The following NIPAL2 variants were observed in gnomAD, a reference collection of about 807,000 sequenced individuals.
The protein encoded by NIPAL2 is NIPA-like protein 2.
A neutral mutation model predicts 48.9 loss-of-function variants in NIPAL2; 43 were observed. The ratio of observed to expected loss-of-function variants is 0.88; its 90% confidence interval spans 0.69 to 1.13. NIPAL2 has a LOEUF of 1.13. Among genes scored for constraint, NIPAL2 ranks in the 50% most tolerant of loss-of-function variants. NIPAL2 has a pLI of 0.00. For missense variants in NIPAL2, 446 were observed against 461.4 expected (o/e 0.97, Z 0.31); for synonymous variants, 167 against 174.6 (o/e 0.96, Z 0.34).
intron 1 of NIPAL2, among the ~76,000 whole-genome samples, chr8:98,292,803 A>T (rs567877506): frequency 1.3e-5 from 2 of 152,054 alleles, no homozygotes; most frequent in Non-Finnish European, 2.9e-5. Flanking sequence ...CTAATAAAAG[A>T]ATAATATAAT....
chr8:98,276,762 T>C (rs1229424241), intron 1 of NIPAL2, among the ~76,000 whole-genome samples: 3 of 151,874 alleles, frequency 2.0e-5, no homozygotes, highest in African/African-American at 7.3e-5. Context: ...TTTCTTTCTT[T>C]TTTTTTTCTT....
chr8:98,200,257 A>T (rs1810739267), intron 8 of NIPAL2, among the ~76,000 whole-genome samples: 1 of 152,184 alleles, frequency 6.6e-6, no homozygotes, highest in Non-Finnish European at 1.5e-5. Context: ...GAACTTTTTC[A>T]TCTTGCAAAA....
At chr8:98,242,320 T>C (rs1179307687) in intron 3 of NIPAL2, among the ~76,000 whole-genome samples, 5 of 151,794 alleles carry the variant, frequency 3.3e-5, no homozygotes, top group Admixed American at 3.3e-4. Flanking sequence ...GCTGGGACTA[T>C]AGGCAATACC....
intron 8 of NIPAL2, among the ~76,000 whole-genome samples, chr8:98,200,310 G>A (rs952356520): frequency 4.6e-5 from 7 of 151,896 alleles, no homozygotes; most frequent in South Asian, 2.1e-4. Context: ...CCTCCTCCCC[G>A]CAGCCCTCAT....
chr8:98,273,694 A>G (rs1815278616), intron 1 of NIPAL2, among the ~76,000 whole-genome samples: 1 of 152,014 alleles, frequency 6.6e-6, no homozygotes, highest in Non-Finnish European at 1.5e-5. Context: ...TAATAAATAT[A>G]TTTCTTCCTT....
chr8:98,273,923 C>T (rs1375838732), intron 1 of NIPAL2, among the ~76,000 whole-genome samples: 1 of 152,046 alleles, frequency 6.6e-6, no homozygotes, highest in African/African-American at 2.4e-5. Context: ...CTAATTATCT[C>T]ATGATTTTCA....
intron 8 of NIPAL2, among the ~76,000 whole-genome samples, chr8:98,199,521 T>G (rs1165611638): frequency 6.6e-6 from 1 of 152,112 alleles, no homozygotes; most frequent in African/African-American, 2.4e-5. Context: ...GAGAGAGATG[T>G]GGGAACAGCT....
chr8:98,225,064 T>C (rs927399422), intron 4 of NIPAL2, among the ~76,000 whole-genome samples: 1 of 152,220 alleles, frequency 6.6e-6, no homozygotes, highest in African/African-American at 2.4e-5. Context: ...GCTGCAATTA[T>C]ACTTTCTAAG....
At chr8:98,253,244 T>C (rs1813689637) in intron 2 of NIPAL2, among the ~76,000 whole-genome samples, 1 of 152,204 alleles carries the variant, frequency 6.6e-6, no homozygotes, top group African/African-American at 2.4e-5. Context: ...ATATACTGAA[T>C]AGGGTTCAGT....
chr8:98,228,742 G>A (rs1313824701), intron 4 of NIPAL2, among the ~76,000 whole-genome samples: 1 of 152,110 alleles, frequency 6.6e-6, no homozygotes, highest in Non-Finnish European at 1.5e-5. Context: ...CCAAAATGAT[G>A]TCTCTGATAT....
intron 1 of NIPAL2, among the ~76,000 whole-genome samples, chr8:98,261,072 CTGTT>C (rs1435681054): frequency 6.6e-6 from 1 of 151,932 alleles, no homozygotes; most frequent in Non-Finnish European, 1.5e-5. Flanking sequence ...AGGGTCCTGT[CTGTT>C]AGAAGGAAAA....
intron 4 of NIPAL2, among the ~76,000 whole-genome samples, chr8:98,224,453 CT>C (rs975029767): frequency 6.6e-6 from 1 of 151,714 alleles, no homozygotes; most frequent in African/African-American, 2.4e-5. Flanking sequence ...TGGCTTCATT[CT>C]TTTTAAATCT....
intron 3 of NIPAL2, among the ~76,000 whole-genome samples, chr8:98,246,299 C>T (rs1159153835): frequency 1.3e-5 from 2 of 152,200 alleles, no homozygotes; most frequent in Non-Finnish European, 2.9e-5. Flanking sequence ...CACAAAACAA[C>T]ATGTATTCCA....
chr8:98,203,272 C>G lies in NIPAL2; in HGVS notation c.792-76G>C, dbSNP rs1012710468. ...ATAAGTTAACAATAACTTCAAGAAA[C>G]ACGTGTTCTTTAGCTACAACTACAA... On this transcript the variant is annotated intron_variant, in intron 7 of 10. Coordinates refer to ENST00000430223, the MANE Select transcript of NIPAL2 (RefSeq NM_001321635.2). 10 of 1,048,988 alleles carry G rather than the reference C, an allele frequency of 9.5e-6. No homozygotes were observed. In the African/African-American group the frequency reaches 1.4e-4, roughly 15 times the overall value. The allele number at this position is 1,048,988 out of a possible 1,614,324, so 65.0% of individuals were successfully genotyped here.
chr8:98,290,809 G>C (rs1816451062), intron 1 of NIPAL2, among the ~76,000 whole-genome samples: 1 of 152,196 alleles, frequency 6.6e-6, no homozygotes, highest in Non-Finnish European at 1.5e-5. Flanking sequence ...CTGCAGCGGG[G>C]AGCACAGCTT....
intron 5 of NIPAL2, among the ~76,000 whole-genome samples, chr8:98,215,474 G>A (rs1811528418): frequency 6.6e-6 from 1 of 152,176 alleles, no homozygotes; most frequent in Non-Finnish European, 1.5e-5. Flanking sequence ...TCACAGGTTA[G>A]AAAAAGTAAC....
intron 1 of NIPAL2, among the ~76,000 whole-genome samples, chr8:98,277,694 G>A (rs1177151431): frequency 2.6e-5 from 4 of 152,018 alleles, no homozygotes; most frequent in African/African-American, 7.3e-5. Context: ...TATATAAATG[G>A]ACTCATATAG....
In NIPAL2 at chr8:98,259,069, C is replaced by CTTTTTTTTTTTTTTT. The variant is rs1563531576; in HGVS notation, c.136-4983_136-4982insAAAAAAAAAAAAAAA. Among the ~76,000 whole-genome samples the CTTTTTTTTTTTTTTT allele has an allele frequency of 6.0e-4, 54 of 89,326 alleles. 2 individuals are homozygous for CTTTTTTTTTTTTTTT. The highest frequency in any genetic ancestry group is 1.2e-3 in the African/African-American group (26 of 21,782). 58.6% of individuals were successfully genotyped at this position (89,326 alleles called of 152,430 possible). A position where few individuals can be genotyped will look rare whatever the true frequency, so the allele number is the denominator to read the frequency against. ...TTATGCTGCTGTTCCTTTAAATATT[C>CTTTTTTTTTTTTTTT]CTTTTTTTTTTTTTTTTTTTTTTTT... On this transcript the variant is annotated intron_variant, in intron 1 of 10. Coordinates refer to ENST00000430223, the MANE Select transcript of NIPAL2 (RefSeq NM_001321635.2).
Position 98,191,704 on chromosome 8 carries a change from G to A in NIPAL2, c.*1274C>T, listed in dbSNP as rs1810311469. The A allele has an allele frequency of 1.3e-5, 2 of 152,154 alleles. No homozygotes were observed. The highest frequency in any genetic ancestry group is 4.8e-5 in the African/African-American group (2 of 41,414). The allele number at this position is 152,154 out of a possible 1,614,324, so 9.4% of individuals were successfully genotyped here. A position where few individuals can be genotyped will look rare whatever the true frequency, so the allele number is the denominator to read the frequency against. On this transcript the variant is annotated 3_prime_UTR_variant, in exon 11 of 11. Coordinates refer to ENST00000430223, the MANE Select transcript of NIPAL2 (RefSeq NM_001321635.2). ...ATTGTTGGATGTTGGCTGCAACGAA[G>A]GCTACTTCTTTTCTTCTCCTTTAAA...
Sources: gnomAD v4.1 joint callset for allele counts (sites outside exome capture counted in the v4.1 genomes callset) on GRCh38, gnomAD v4.1.1 for gene constraint, MANE v1.5 for transcripts, NCBI Gene and HGNC (gene_info 2026-07-23, HGNC 2026-07-21) for gene names.